Variants in TAF4 observed in about 807,000 individuals in gnomAD.
The protein encoded by TAF4 is TATA-box binding protein associated factor 4.
A neutral mutation model predicts 90.3 loss-of-function variants in TAF4; 9 were observed. That is an observed-to-expected ratio of 0.10 (90% CI 0.06 to 0.17). The LOEUF (loss-of-function observed/expected upper bound fraction) is 0.17. Ranked by LOEUF, TAF4 falls within the 10% of genes least tolerant of loss-of-function variation. TAF4 has a pLI of 1.00. For synonymous variants in TAF4, 818 were observed against 638.9 expected, an observed-to-expected ratio of 1.28 and a Z score of -4.23; for missense variants, 1,351 against 1,370.7, an observed-to-expected ratio of 0.99 and a Z score of 0.23.
At chr20:62,017,376 C>A (rs1342077002) in intron 1 of TAF4, among the ~76,000 whole-genome samples, 1 of 151,836 alleles carries the variant, frequency 6.6e-6, no homozygotes, top group African/African-American at 2.4e-5. Flanking sequence ...CGGTGGCTCA[C>A]GCCTGTAATC....
intron 1 of TAF4, among the ~76,000 whole-genome samples, chr20:62,041,438 G>A (rs2055963295): frequency 6.6e-6 from 1 of 152,056 alleles, no homozygotes; most frequent in Admixed American, 6.6e-5. Flanking sequence ...GACCATCCTG[G>A]CTAACAGGGT....
intron 14 of TAF4, among the ~76,000 whole-genome samples, chr20:61,993,352 G>A (rs553832712): frequency 3.0e-4 from 45 of 152,236 alleles, no homozygotes; most frequent in Non-Finnish European, 4.1e-4. Flanking sequence ...CCACCAACGC[G>A]CAGGAAGTTC....
intron 1 of TAF4, 114 bp downstream of exon 1, chr20:62,064,336 GC>G: frequency 8.4e-7 from 1 of 1,192,266 alleles, no homozygotes; most frequent in Non-Finnish European, 1.1e-6. Context: ...GCCTGCTCCA[GC>G]CACGGGCCTA....
In TAF4 at chr20:62,065,880, C is replaced by G. The variant is rs1207946851; in HGVS notation, c.-70G>C. On this transcript the variant is annotated 5_prime_UTR_variant, in exon 1 of 15. Coordinates refer to ENST00000252996, the MANE Select transcript of TAF4 (RefSeq NM_003185.4). ...CGCCTGGGCGAGGAGGAGGTTCCGA[C>G]TGGGGCGGGCGCTGGGCGGGCGGGG... is the stretch of plus-strand genomic sequence containing the variant. The G allele has an allele frequency of 3.8e-6, 4 of 1,054,296 alleles. No individual in the cohort carries two copies. Among genetic ancestry groups the G allele is most frequent in the Non-Finnish European group, 4.6e-6 (4 of 870,524 alleles). 65.3% of individuals were successfully genotyped at this position (1,054,296 alleles called of 1,614,324 possible).
At chr20:61,983,696 T>C (rs1476264178) in intron 14 of TAF4, among the ~76,000 whole-genome samples, 1 of 152,114 alleles carries the variant, frequency 6.6e-6, no homozygotes, top group East Asian at 1.9e-4. Context: ...AATTATAAAA[T>C]ATTATGATAG....
intron 1 of TAF4, among the ~76,000 whole-genome samples, chr20:62,043,406 AAAGTT>A (rs1283935049): frequency 7.9e-5 from 12 of 152,344 alleles, no homozygotes; most frequent in South Asian, 2.1e-4. Context: ...AAAGTTTGAA[AAAGTT>A]AAGTTTATAA....
chr20:62,024,527 T>A (rs1279609762), intron 1 of TAF4, among the ~76,000 whole-genome samples: 10 of 152,182 alleles, frequency 6.6e-5, no homozygotes, highest in Admixed American at 5.9e-4. Flanking sequence ...ATCCATCTAA[T>A]AAAGGGCTTG....
In TAF4 at chr20:62,010,414, G is replaced by C. The variant is rs1400682754; in HGVS notation, c.1642-249C>G. Among the ~76,000 whole-genome samples, 1 of 152,140 alleles carries C rather than the reference G, an allele frequency of 6.6e-6. No individual in the cohort carries two copies. Among genetic ancestry groups the C allele is most frequent in the African/African-American group, 2.4e-5 (1 of 41,428 alleles). ...ATGATTTGCACCTGCATCAAAAACG[G>C]ACGTTCACAAAGCCAGGCACTGCAG... On this transcript the variant is annotated intron_variant, in intron 3 of 14. Coordinates refer to ENST00000252996, the MANE Select transcript of TAF4 (RefSeq NM_003185.4). This position sits in a 1 kb window ranked among gnomAD's most constrained non-coding sequence, Gnocchi z 4.5.
chr20:62,063,683 G>A (rs752024105), intron 1 of TAF4, among the ~76,000 whole-genome samples: 1 of 152,184 alleles, frequency 6.6e-6, no homozygotes. Flanking sequence ...CCCTCCCGAG[G>A]GGGCAGCAAC....
chr20:61,976,263 T>C lies in TAF4; in HGVS notation c.3163A>G (p.Ile1055Val), dbSNP rs765471072. Residue 1055 changes from isoleucine (I) to valine (V), a missense_variant, in exon 15 of 15, where the codon ATC becomes GTC. By Grantham distance (29) the Ile-to-Val change is conservative (BLOSUM62 3). Around this residue, in one of 9 missense-constraint regions of TAF4, gnomAD observed 13 missense variants for 40.6 expected, o/e 0.32. Transcript: ENST00000252996. ...AGGTCCCTGAGGTTGACCCGCGTGA[T>C]TCTTTGTCGCGTGAACTGTCTGGGG... ...GTPRQFTRQR[I>V]TRVNLRDLIF... is the part of the protein sequence containing the mutation. 5 of 1,614,028 alleles carry C rather than the reference T, an allele frequency of 3.1e-6. No individual in the cohort carries two copies. The highest frequency in any genetic ancestry group is 1.1e-5 in the South Asian group (1 of 91,086).
At chr20:62,024,608 C>T (rs2055864430) in intron 1 of TAF4, among the ~76,000 whole-genome samples, 1 of 152,190 alleles carries the variant, frequency 6.6e-6, no homozygotes, top group Non-Finnish European at 1.5e-5. Flanking sequence ...GTGGCTCATG[C>T]CTGTAATCCC....
chr20:61,990,043 A>T (rs2055621562), intron 14 of TAF4, among the ~76,000 whole-genome samples: 1 of 152,188 alleles, frequency 6.6e-6, no homozygotes, highest in Non-Finnish European at 1.5e-5. Flanking sequence ...GACGCTGTGG[A>T]GAAACACAGC....
intron 1 of TAF4, among the ~76,000 whole-genome samples, chr20:62,049,624 T>TCGCTGCCTGCCCCAGCCCCGCA (rs2056014537): frequency 1.7e-5 from 1 of 59,908 alleles, no homozygotes; most frequent in Non-Finnish European, 3.8e-5. Context: ...ACGGCCCAGA[T>TCGCTGCCTGCCCCAGCCCCGCA]CCCTGCCTGC....
chr20:62,000,880 G>C (rs2123125563), intron 9 of TAF4, among the ~76,000 whole-genome samples, 159 bp from the exon 10 acceptor site: 1 of 152,364 alleles, frequency 6.6e-6, no homozygotes, highest in Non-Finnish European at 1.5e-5. Context: ...TGCCACAGCA[G>C]AGAGGGTGCC....
Position 62,061,292 on chromosome 20 carries a change from A to C in TAF4, c.1360+3159T>G, listed in dbSNP as rs571670785. Among the ~76,000 whole-genome samples, 28 of 152,342 alleles carry C rather than the reference A, an allele frequency of 1.8e-4. 1 individual carries two copies. In the South Asian group the frequency reaches 5.6e-3, roughly 30 times the overall value. ...GTGGACATTTTCCCCCTTTCCCCACAGATGGGAACCAATGCTCCAGACAGC... is the reference window on the plus strand; with the variant it reads ...GTGGACATTTTCCCCCTTTCCCCACCGATGGGAACCAATGCTCCAGACAGC... On this transcript the variant is annotated intron_variant, in intron 1 of 14. Transcript: ENST00000252996.
chr20:62,065,027 CGGGGGCGGCGGGGGGCGA>C lies in TAF4; in HGVS notation c.766_783del (p.Ser256_Pro261del). The C allele has an allele frequency of 2.8e-6, 1 of 351,584 alleles. No individual in the cohort carries two copies. The allele number at this position is 351,584 out of a possible 1,614,324, so 21.8% of individuals were successfully genotyped here. A position where few individuals can be genotyped will look rare whatever the true frequency, so the allele number is the denominator to read the frequency against. On this transcript the variant is annotated inframe_deletion, in exon 1 of 15. Coordinates refer to ENST00000252996, the MANE Select transcript of TAF4 (RefSeq NM_003185.4). ...GGGGCGGCGGCGGGGGCGGCGGGCG[CGGGGGCGGCGGGGGGCGA>C]GGGCGCGGCGGGCGCGGGGGGCGCG... is the stretch of plus-strand genomic sequence containing the variant.
At chr20:62,003,589 A>T (rs2123132190) in intron 8 of TAF4, 142 bp downstream of exon 8, 1 of 931,290 alleles carries the variant, frequency 1.1e-6, no homozygotes, top group East Asian at 2.7e-5. Context: ...CAGTAAATGA[A>T]ATCAGTGCCA....
rs1480673523 is a variant in TAF4, at chr20:61,998,191, G to C, written c.2915C>G (p.Ser972Cys). The stretch of plus-strand genomic sequence containing the variant: ...TTCTGGATCTTCTTGTCTTGACCGA[G>C]ACTATTTTTGAAAGAGGCAGAAAAG... ...EREILMRAAK[S>C]RSRQEDPEQL... The change falls in exon 13 of 15, where the codon TCT becomes TGT. Residue 972 changes from serine (S) to cysteine (C), a missense_variant and splice_region_variant. Ser to Cys is a moderately radical substitution (Grantham distance 112, BLOSUM62 -1). This residue lies in a region of TAF4 where 18 missense variants were observed against 60.0 expected (regional missense o/e 0.30). Coordinates refer to ENST00000252996, the MANE Select transcript of TAF4 (RefSeq NM_003185.4). The C allele has an allele frequency of 6.2e-7, 1 of 1,612,482 alleles. No homozygotes were observed. Among genetic ancestry groups the C allele is most frequent in the Non-Finnish European group, 8.5e-7 (1 of 1,179,652 alleles).
chr20:62,055,468 G>A (rs1188745422), intron 1 of TAF4, among the ~76,000 whole-genome samples: 2 of 152,030 alleles, frequency 1.3e-5, no homozygotes, highest in African/African-American at 2.4e-5. Flanking sequence ...AACTCACACT[G>A]CCTGGGGGCA....
Sources: allele counts gnomAD v4.1 joint callset (sites outside exome capture counted in the v4.1 genomes callset), GRCh38; gene constraint gnomAD v4.1.1; regional missense constraint gnomAD v4.1.1; non-coding constraint Gnocchi (gnomAD v3.1); transcripts MANE v1.5; gene names NCBI Gene and HGNC (gene_info 2026-07-23, HGNC 2026-07-21).